The following CRYL1 variants were observed in gnomAD, a reference collection of about 807,000 sequenced individuals.
CRYL1 encodes the protein lambda-crystallin homolog.
In CRYL1, 29 loss-of-function variants were observed where a neutral mutation model predicts 36.6. The observed-to-expected ratio is 0.79, with a 90% CI of 0.59 to 1.08. CRYL1 has a LOEUF of 1.08. Among genes scored for constraint, CRYL1 ranks in the 50% least tolerant of loss-of-function variants. CRYL1 has a pLI of 0.00. For synonymous variants in CRYL1, 152 were observed against 151.5 expected (o/e 1.00, Z -0.02); for missense variants, 411 against 407.9 (o/e 1.01, Z -0.06).
chr13:20,496,766 GC>G (rs2033610977), intron 2 of CRYL1, among the ~76,000 whole-genome samples: 1 of 145,656 alleles, frequency 6.9e-6, no homozygotes, highest in Non-Finnish European at 1.5e-5. Context: ...GATCACTTGA[GC>G]CCCCGAGGTG....
chr13:20,507,370 G>A (rs1023916885), intron 2 of CRYL1, among the ~76,000 whole-genome samples: 22 of 152,054 alleles, frequency 1.4e-4, no homozygotes, highest in African/African-American at 9.7e-5. Flanking sequence ...ACTTTACAAC[G>A]AACGGCTGAA....
chr13:20,505,509 A>G (rs545685989), intron 2 of CRYL1, among the ~76,000 whole-genome samples: 1 of 152,314 alleles, frequency 6.6e-6, no homozygotes, highest in South Asian at 2.1e-4. Flanking sequence ...CAGTCAAAAC[A>G]ATTGCTGAGC....
At chr13:20,444,112 A>AT (rs2032405069) in intron 3 of CRYL1, among the ~76,000 whole-genome samples, 1 of 152,228 alleles carries the variant, frequency 6.6e-6, no homozygotes, top group East Asian at 1.9e-4. Context: ...GGTGGACACC[A>AT]TAATTATTTA....
intron 3 of CRYL1, among the ~76,000 whole-genome samples, chr13:20,448,916 C>T (rs71426011): frequency 0.046 from 6,977 of 152,286 alleles, 338 homozygotes; most frequent in Admixed American, 0.16. Flanking sequence ...GCCTATAATC[C>T]TACCACTTTG....
intron 5 of CRYL1, among the ~76,000 whole-genome samples, chr13:20,428,350 A>T (rs2031979646): frequency 6.6e-6 from 1 of 152,218 alleles, no homozygotes; most frequent in Admixed American, 6.5e-5. Context: ...ATCTGCAAAC[A>T]TCCAAAATCT....
At chr13:20,450,144 G>A (rs35133832) in intron 3 of CRYL1, among the ~76,000 whole-genome samples, 4,470 of 152,156 alleles carry the variant, frequency 0.029, 97 homozygotes, top group Non-Finnish European at 0.042. Flanking sequence ...TCCAGCCTAA[G>A]CAAAAAGAAC....
intron 2 of CRYL1, among the ~76,000 whole-genome samples, chr13:20,509,236 T>G (rs2033869923): frequency 8.8e-6 from 1 of 113,308 alleles, no homozygotes; most frequent in Non-Finnish European, 1.8e-5. Flanking sequence ...GAAAACATCT[T>G]TTTGCCTCAT....
Position 20,420,701 on chromosome 13 carries a change from T to TTTTTTTTTTG in CRYL1, c.634-7315_634-7314insCAAAAAAAAA. Among the ~76,000 whole-genome samples, 122 of 21,874 alleles carry TTTTTTTTTTG rather than the reference T, an allele frequency of 5.6e-3. 33 individuals carry two copies. Among genetic ancestry groups the TTTTTTTTTTG allele is most frequent in the Admixed American group, 0.033 (96 of 2,876 alleles). The allele number at this position is 21,874 out of a possible 152,430, so 14.4% of individuals were successfully genotyped here. ...CTTTGACTTTTCTTTAAAATAGAGG[T>TTTTTTTTTTG]TGTGTGTGTGTGTGTGTGTGTGTGT... is the stretch of plus-strand genomic sequence containing the variant. On this transcript the variant is annotated intron_variant, in intron 5 of 7. Transcript: ENST00000298248.
At position 20,467,678 on chromosome 13, in the gene CRYL1, G is replaced by A. The variant is rs567443078; in HGVS notation, c.276+21692C>T. Among the ~76,000 whole-genome samples the A allele has an allele frequency of 2.6e-5, 4 of 152,236 alleles. No homozygotes were observed. The East Asian group carries it at 5.8e-4, about 22-fold the overall frequency. On this transcript the variant is annotated intron_variant, in intron 3 of 7. Coordinates refer to ENST00000298248, the MANE Select transcript of CRYL1 (RefSeq NM_015974.3). ...GCTACTAAAAATACAAAAATTAGCC[G>A]GGCGTGGTGGCACGCGCCTGTTGTC...
At position 20,435,924 on chromosome 13, in the gene CRYL1, C is replaced by T. The variant is rs59124907; in HGVS notation, c.439-3628G>A. Among the ~76,000 whole-genome samples the T allele has an allele frequency of 6.6e-6, 1 of 152,274 alleles. No homozygotes were observed. The highest frequency in any genetic ancestry group is 2.1e-4 in the South Asian group (1 of 4,830). On this transcript the variant is annotated intron_variant, in intron 4 of 7. Coordinates refer to ENST00000298248, the MANE Select transcript of CRYL1 (RefSeq NM_015974.3). This position sits in a 1 kb window ranked among gnomAD's most constrained non-coding sequence, Gnocchi z 4.0. ...TCGGTGTTCGATGCTTCATGGGTAGCCCATCCTCTCGGCGGCGCGCTCGCA... is the reference window on the plus strand; with the variant it reads ...TCGGTGTTCGATGCTTCATGGGTAGTCCATCCTCTCGGCGGCGCGCTCGCA...
intron 1 of CRYL1, among the ~76,000 whole-genome samples, chr13:20,516,493 T>A (rs1236245411): frequency 6.6e-6 from 1 of 152,038 alleles, no homozygotes; most frequent in Non-Finnish European, 1.5e-5. Flanking sequence ...AATCTTTTTT[T>A]TTTTGAAATG....
At chr13:20,452,110 A>G (rs947142309) in intron 3 of CRYL1, among the ~76,000 whole-genome samples, 5 of 152,168 alleles carry the variant, frequency 3.3e-5, no homozygotes, top group Non-Finnish European at 7.4e-5. Flanking sequence ...AAAGATGGCA[A>G]CCACAGATAC....
chr13:20,508,451 C>T (rs972855858), intron 2 of CRYL1, among the ~76,000 whole-genome samples: 1 of 152,134 alleles, frequency 6.6e-6, no homozygotes, highest in Non-Finnish European at 1.5e-5. Context: ...ATAAAATTAA[C>T]GGCTTTTTTA....
chr13:20,405,656 A>G (rs1162608335), intron 6 of CRYL1, among the ~76,000 whole-genome samples: 1 of 152,092 alleles, frequency 6.6e-6, no homozygotes, highest in Non-Finnish European at 1.5e-5. Context: ...ACAAGCCCCC[A>G]TGCACGCTCC....
In CRYL1 at chr13:20,489,378, G is replaced by A. The variant is rs201036848; in HGVS notation, c.268C>T (p.His90Tyr). The A allele has an allele frequency of 1.1e-5, 17 of 1,613,078 alleles. No homozygotes were observed. Among genetic ancestry groups the A allele is most frequent in the African/African-American group, 2.7e-5 (2 of 74,908 alleles). ...CAGTGTCCTTCACTCACCTGAATGT[G>A]CATGGCACCCTCTACTGCTTCTTGG... Reference protein sequence around the residue: ...NIQEAVEGAMHIQECVPEDLE... With the variant: ...NIQEAVEGAMYIQECVPEDLE... Residue 90 changes from histidine (H) to tyrosine (Y), a missense_variant, in exon 3 of 8, where the codon CAC (histidine) becomes TAC (tyrosine). Physicochemically the swap from His to Tyr is moderately conservative, Grantham distance 83. Transcript: ENST00000298248.
chr13:20,420,704 TGTGTGTGTGTGTGTGTG>T (rs2031785011), intron 5 of CRYL1, among the ~76,000 whole-genome samples: 7 of 109,548 alleles, frequency 6.4e-5, no homozygotes, highest in East Asian at 2.8e-4. Flanking sequence ...ATAGAGGTTG[TGTGTGTGTGTGTGTGTG>T]TGTGTGTGTG....
chr13:20,483,903 A>G (rs1300393806), intron 3 of CRYL1, among the ~76,000 whole-genome samples: 1 of 151,884 alleles, frequency 6.6e-6, no homozygotes, highest in African/African-American at 2.4e-5. Context: ...TGCAACCTCC[A>G]CCTCGCAGGT....
chr13:20,465,537 C>T (rs1305019532), intron 3 of CRYL1, among the ~76,000 whole-genome samples: 1 of 152,156 alleles, frequency 6.6e-6, no homozygotes, highest in Non-Finnish European at 1.5e-5. Flanking sequence ...AGTTGGAAAG[C>T]GTCACTGCTG....
At position 20,404,138 on chromosome 13, in the gene CRYL1, C is replaced by T; in HGVS notation, c.951G>A (p.Gln317=). 1 of 1,612,250 alleles carries T rather than the reference C, an allele frequency of 6.2e-7. No homozygotes were observed. The highest frequency in any genetic ancestry group is 8.5e-7 in the Non-Finnish European group (1 of 1,178,382). The change falls in exon 8 of 8, where the codon CAG becomes CAA. Residue 317 remains glutamine, a synonymous_variant. Transcript: ENST00000298248. The stretch of plus-strand genomic sequence containing the variant: ...CTGCATTACAAGAAATTCACTGGGG[C>T]TGCACTTGACTCTTCAACTTGGCGA... ...MRLAKLKSQV[Q]PQ is the part of the protein sequence containing the mutation.
Sources: allele counts gnomAD v4.1 joint callset (sites outside exome capture counted in the v4.1 genomes callset), GRCh38; gene constraint gnomAD v4.1.1; non-coding constraint Gnocchi (gnomAD v3.1); transcripts MANE v1.5; gene names NCBI Gene and HGNC (gene_info 2026-07-23, HGNC 2026-07-21).